Variants in SEPTIN7 observed in about 807,000 individuals in gnomAD.
The protein encoded by SEPTIN7 is septin-7.
Under a neutral mutation model 63.3 loss-of-function variants are expected in SEPTIN7, and 10 were observed. That is an observed-to-expected ratio of 0.16 (90% confidence interval 0.10 to 0.27). SEPTIN7 has a LOEUF of 0.27. Ranked by LOEUF, SEPTIN7 falls within the 10% of genes least tolerant of loss-of-function variation. SEPTIN7 has a pLI of 1.00. For synonymous variants in SEPTIN7, 131 were observed against 165.3 expected (o/e 0.79, Z 1.59); for missense variants, 310 against 521.0 (o/e 0.59, Z 3.94).
chr7:35,915,043 GTATA>G, the SEPTIN7 span, among the ~76,000 whole-genome samples: 1 of 149,550 alleles, frequency 6.7e-6, no homozygotes, highest in Admixed American at 6.7e-5. Context: ...GTACATATAT[GTATA>G]TATGTATATA....
chr7:35,874,799 A>G (rs1223051925), intron 6 of SEPTIN7, among the ~76,000 whole-genome samples: 3 of 152,064 alleles, frequency 2.0e-5, no homozygotes, highest in African/African-American at 4.8e-5. Context: ...TTTTATGTCT[A>G]ATATTCTTTT....
At chr7:35,829,760 AAT>A (rs1783731593) in intron 1 of SEPTIN7, among the ~76,000 whole-genome samples, 1 of 152,150 alleles carries the variant, frequency 6.6e-6, no homozygotes, top group Admixed American at 6.5e-5. Flanking sequence ...AGTTGGGTAA[AAT>A]GTGTGTTGGA....
intron 3 of SEPTIN7, among the ~76,000 whole-genome samples, chr7:35,859,380 C>G (rs1785381828): frequency 1.3e-5 from 2 of 152,064 alleles, no homozygotes; most frequent in South Asian, 4.1e-4. Flanking sequence ...TTTGATTTCA[C>G]TTCTTTAAAA....
chr7:35,849,616 A>G (rs1005078048), intron 3 of SEPTIN7, among the ~76,000 whole-genome samples: 2 of 152,200 alleles, frequency 1.3e-5, no homozygotes, highest in African/African-American at 4.8e-5. Flanking sequence ...AAAGTAAAAC[A>G]AAGAATAGCG....
At chr7:35,819,836 G>T (rs1214651568) in intron 1 of SEPTIN7, among the ~76,000 whole-genome samples, 1 of 151,994 alleles carries the variant, frequency 6.6e-6, no homozygotes, top group Admixed American at 6.6e-5. Flanking sequence ...CACATAGTTG[G>T]ATCTTACTTT....
intron 1 of SEPTIN7, among the ~76,000 whole-genome samples, chr7:35,815,783 A>T (rs1789018365): frequency 6.6e-6 from 1 of 151,742 alleles, no homozygotes; most frequent in Non-Finnish European, 1.5e-5. Flanking sequence ...AATTAGTTTT[A>T]TTTGTTACTA....
intron 3 of SEPTIN7, among the ~76,000 whole-genome samples, chr7:35,849,593 T>C (rs1221981527): frequency 6.6e-6 from 1 of 152,198 alleles, no homozygotes; most frequent in Non-Finnish European, 1.5e-5. Flanking sequence ...CTTTACCAGA[T>C]TAAGTTTATT....
At chr7:35,820,525 C>G (rs2115788760) in intron 1 of SEPTIN7, among the ~76,000 whole-genome samples, 1 of 152,172 alleles carries the variant, frequency 6.6e-6, no homozygotes. Context: ...TTGAGCTTCT[C>G]TAGTGAATAC....
chr7:35,814,128 T>C (rs1788904012), intron 1 of SEPTIN7, among the ~76,000 whole-genome samples: 2 of 149,356 alleles, frequency 1.3e-5, no homozygotes, highest in African/African-American at 4.9e-5. Context: ...TGGCTCAACA[T>C]TTTATTTCTC....
chr7:35,889,310 G>A (rs1787491193), intron 10 of SEPTIN7, among the ~76,000 whole-genome samples: 1 of 152,184 alleles, frequency 6.6e-6, no homozygotes, highest in South Asian at 2.1e-4. Flanking sequence ...GTGGCTATAA[G>A]AGAACGTGAA....
intron 11 of SEPTIN7, among the ~76,000 whole-genome samples, chr7:35,891,281 A>G (rs1583636463): frequency 6.6e-6 from 1 of 152,326 alleles, no homozygotes; most frequent in South Asian, 2.1e-4. Flanking sequence ...ATTATTGAAA[A>G]TCATAATTAC....
Position 35,904,507 on chromosome 7 carries a change from G to C in SEPTIN7, c.*214G>C, listed in dbSNP as rs1312810496. The C allele has an allele frequency of 2.6e-6, 1 of 378,508 alleles. No homozygotes were observed. The highest frequency in any genetic ancestry group is 4.6e-5 in the Admixed American group (1 of 21,848). The allele number at this position is 378,508 out of a possible 1,614,324, so 23.4% of individuals were successfully genotyped here. A position where few individuals can be genotyped will look rare whatever the true frequency, so the allele number is the denominator to read the frequency against. On this transcript the variant is annotated 3_prime_UTR_variant, in exon 14 of 14. Coordinates refer to ENST00000350320, the MANE Select transcript of SEPTIN7 (RefSeq NM_001788.6). ...TGTACTTAGAAAGTAAGAGCTCTAA[G>C]TACCTTTCCTACATTTTCTTTTTTT...
chr7:35,844,748 G>A (rs1255683741), intron 3 of SEPTIN7, among the ~76,000 whole-genome samples: 4 of 152,018 alleles, frequency 2.6e-5, no homozygotes, highest in East Asian at 3.9e-4. Flanking sequence ...GACTACAGGC[G>A]TGCACCACCA....
At chr7:35,824,931 C>G (rs541996856) in intron 1 of SEPTIN7, among the ~76,000 whole-genome samples, 2 of 152,216 alleles carry the variant, frequency 1.3e-5, no homozygotes, top group African/African-American at 4.8e-5. Context: ...TTTACACTTA[C>G]AGCACATCTT....
chr7:35,867,313 C>T (rs369019227), intron 4 of SEPTIN7, among the ~76,000 whole-genome samples: 4 of 151,904 alleles, frequency 2.6e-5, no homozygotes, highest in African/African-American at 9.7e-5. Flanking sequence ...AACAGTTAAC[C>T]GTTATTTTAT....
chr7:35,842,837 C>G (rs2541307), intron 3 of SEPTIN7, among the ~76,000 whole-genome samples: 1 of 152,102 alleles, frequency 6.6e-6, no homozygotes, highest in Non-Finnish European at 1.5e-5. Context: ...TAGTATATCT[C>G]TCTTCCTCAA....
chr7:35,880,320 T>G (rs1182364426), intron 7 of SEPTIN7, among the ~76,000 whole-genome samples: 2 of 150,750 alleles, frequency 1.3e-5, no homozygotes, highest in African/African-American at 4.9e-5. Context: ...TGGGTCTTTA[T>G]CTCCCCACTC....
chr7:35,864,887 A>G (rs1228943412), intron 4 of SEPTIN7, among the ~76,000 whole-genome samples: 3 of 152,118 alleles, frequency 2.0e-5, no homozygotes, highest in Non-Finnish European at 2.9e-5. Context: ...AGTGCACAGG[A>G]TGGAGGGACA....
At chr7:35,888,717 G>T (rs1274625355) in intron 10 of SEPTIN7, 4 of 206,060 alleles carry the variant, frequency 1.9e-5, no homozygotes, top group Non-Finnish European at 3.1e-5. Context: ...CTACTCAGGA[G>T]GCTGAGGTGG....
Sources: allele counts gnomAD v4.1 joint callset (sites outside exome capture counted in the v4.1 genomes callset), GRCh38; gene constraint gnomAD v4.1.1; transcripts MANE v1.5; gene names NCBI Gene and HGNC (gene_info 2026-07-23, HGNC 2026-07-21).